Variants in NTRK3 observed in about 807,000 individuals in gnomAD.
The protein encoded by NTRK3 is neurotrophic receptor tyrosine kinase 3, also known as NT-3 growth factor receptor.
NTRK3 carries 24 observed loss-of-function variants against 91.7 expected under a neutral mutation model. The ratio of observed to expected loss-of-function variants is 0.26; its 90% CI spans 0.19 to 0.37. The LOEUF (loss-of-function observed/expected upper bound fraction) is 0.37, where lower values mean the gene tolerates loss of function less well. Ranked by LOEUF, NTRK3 falls within the 10% of genes least tolerant of loss-of-function variation. NTRK3 has a pLI of 1.00. For synonymous variants in NTRK3, 483 were observed against 404.0 expected (o/e 1.20, Z -2.34); for missense variants, 880 against 1,068.9 (o/e 0.82, Z 2.46).
intron 13 of NTRK3, among the ~76,000 whole-genome samples, chr15:88,077,429 C>T (rs114748475): frequency 6.6e-5 from 10 of 152,212 alleles, no homozygotes; most frequent in South Asian, 6.2e-4. Flanking sequence ...CTGCCTCCCC[C>T]ACCCTCGCCC....
chr15:88,002,902 C>A (rs746175142), intron 14 of NTRK3, among the ~76,000 whole-genome samples: 1 of 152,082 alleles, frequency 6.6e-6, no homozygotes, highest in Non-Finnish European at 1.5e-5. Flanking sequence ...GAGTGGGGAC[C>A]TTTGCCAGCA....
chr15:88,251,960 G>A (rs1239166530), intron 3 of NTRK3, among the ~76,000 whole-genome samples: 1 of 152,184 alleles, frequency 6.6e-6, no homozygotes, highest in Non-Finnish European at 1.5e-5. Flanking sequence ...GCCCCAGGGT[G>A]TATGACAGAA....
At chr15:88,201,642 G>C (rs2048313975) in intron 3 of NTRK3, among the ~76,000 whole-genome samples, 1 of 152,102 alleles carries the variant, frequency 6.6e-6, no homozygotes. Flanking sequence ...GGACACAAAG[G>C]CCATTCCTCC....
At chr15:88,155,958 C>T (rs1022159468) in intron 5 of NTRK3, among the ~76,000 whole-genome samples, 1 of 152,148 alleles carries the variant, frequency 6.6e-6, no homozygotes, top group African/African-American at 2.4e-5. Flanking sequence ...TGCTTGATAG[C>T]CATGAGTGGC....
chr15:87,947,975 G>A (rs1375095841), intron 14 of NTRK3, among the ~76,000 whole-genome samples: 3 of 151,942 alleles, frequency 2.0e-5, no homozygotes, highest in African/African-American at 7.2e-5. Flanking sequence ...GCAGGGCCCT[G>A]CCTGGGCTCA....
chr15:88,168,575 G>A (rs529708147), intron 5 of NTRK3, among the ~76,000 whole-genome samples: 1 of 152,362 alleles, frequency 6.6e-6, no homozygotes, highest in South Asian at 2.1e-4. Flanking sequence ...CACCACCCTT[G>A]CTGGCATCAG....
intron 14 of NTRK3, among the ~76,000 whole-genome samples, chr15:88,029,055 G>A (rs926895811): frequency 5.3e-5 from 8 of 152,160 alleles, no homozygotes; most frequent in African/African-American, 1.9e-4. Flanking sequence ...CATTCTATCG[G>A]ACCTGGCCCA....
At chr15:87,915,806 G>A (rs865803191) in intron 17 of NTRK3, among the ~76,000 whole-genome samples, 9 of 152,012 alleles carry the variant, frequency 5.9e-5, no homozygotes, top group Admixed American at 2.6e-4. Context: ...TATTTAATGT[G>A]CACAAAAGAA....
intron 14 of NTRK3, among the ~76,000 whole-genome samples, chr15:87,963,334 A>G (rs1699716933): frequency 6.6e-6 from 1 of 152,220 alleles, no homozygotes; most frequent in African/African-American, 2.4e-5. Flanking sequence ...TTTCAAACAC[A>G]GGGGACTAGA....
chr15:88,140,875 G>C (rs935531015), intron 6 of NTRK3, among the ~76,000 whole-genome samples: 3 of 152,190 alleles, frequency 2.0e-5, no homozygotes, highest in African/African-American at 7.2e-5. Context: ...AAAAACTGGA[G>C]AGAGGGAAGA....
chr15:88,194,769 A>C (rs1313293655), intron 3 of NTRK3, among the ~76,000 whole-genome samples: 1 of 152,144 alleles, frequency 6.6e-6, no homozygotes, highest in Non-Finnish European at 1.5e-5. Context: ...TTCTGACTCC[A>C]CCATGACCAG....
chr15:88,183,368 C>T (rs201395424), intron 5 of NTRK3, 50 bp downstream of exon 5: 2 of 1,591,266 alleles, frequency 1.3e-6, no homozygotes, highest in Non-Finnish European at 1.7e-6. Flanking sequence ...TTCACTGCCC[C>T]AAGAGTACCT....
intron 17 of NTRK3, among the ~76,000 whole-genome samples, chr15:87,886,699 T>TATATATATATATATATATATATATACAC (rs1265075771): frequency 7.2e-6 from 1 of 138,484 alleles, no homozygotes; most frequent in African/African-American, 2.7e-5. Flanking sequence ...TATATATATA[T>TATATATATATATATATATATATATACAC]ACATATATAC....
intron 13 of NTRK3, among the ~76,000 whole-genome samples, chr15:88,103,021 C>T (rs1251905325): frequency 1.3e-4 from 20 of 152,192 alleles, no homozygotes; most frequent in Non-Finnish European, 2.9e-5. Context: ...GATGTCAATA[C>T]ATTAATCCTT....
At chr15:88,239,675 C>A (rs1289357055) in intron 3 of NTRK3, among the ~76,000 whole-genome samples, 10 of 152,210 alleles carry the variant, frequency 6.6e-5, no homozygotes, top group African/African-American at 2.4e-4. Context: ...AGACAGAGAA[C>A]CAAGCACCAG....
intron 14 of NTRK3, chr15:87,981,320 C>A (rs143456763): frequency 6.2e-7 from 1 of 1,606,018 alleles, no homozygotes; most frequent in South Asian, 1.1e-5. Flanking sequence ...TATTGTCCTT[C>A]AAGTTTAATA....
At chr15:87,988,161 TTTAAG>T (rs1487016331) in intron 14 of NTRK3, among the ~76,000 whole-genome samples, 2 of 152,206 alleles carry the variant, frequency 1.3e-5, no homozygotes, top group Non-Finnish European at 2.9e-5. Context: ...GCATGCACTC[TTTAAG>T]TGAAGTGATG....
At chr15:88,021,767 G>C (rs892419735) in intron 14 of NTRK3, among the ~76,000 whole-genome samples, 9 of 152,078 alleles carry the variant, frequency 5.9e-5, no homozygotes, top group Admixed American at 5.9e-4. Context: ...AGGGGAATGA[G>C]AACCGACAAA....
At chr15:88,002,554 A>G (rs1184838901) in intron 14 of NTRK3, among the ~76,000 whole-genome samples, 1 of 152,150 alleles carries the variant, frequency 6.6e-6, no homozygotes. Context: ...TTTAATTCTT[A>G]GGATAGATTT....
Sources: gnomAD v4.1 joint callset for allele counts (sites outside exome capture counted in the v4.1 genomes callset) on GRCh38, gnomAD v4.1.1 for gene constraint, MANE v1.5 for transcripts, NCBI Gene and HGNC (gene_info 2026-07-23, HGNC 2026-07-21) for gene names.